The following PRDM5 variants were observed in gnomAD, a reference collection of about 807,000 sequenced individuals.
The protein encoded by PRDM5 is PR/SET domain 5, also known as PR domain zinc finger protein 5.
PRDM5 carries 56 observed loss-of-function variants against 81.2 expected under a neutral mutation model. That is an observed-to-expected ratio of 0.69 (90% confidence interval 0.56 to 0.86). The LOEUF (loss-of-function observed/expected upper bound fraction) is 0.86, where lower values mean the gene tolerates loss of function less well. Ranked by LOEUF, PRDM5 falls within the 40% of genes least tolerant of loss-of-function variation. The pLI is 0.00. For missense variants in PRDM5, 697 were observed against 770.1 expected (o/e 0.91, Z 1.12); for synonymous variants, 267 against 256.4 (o/e 1.04, Z -0.39).
Position 120,771,078 on chromosome 4 carries a change from T to C in PRDM5, c.1537+6110A>G, listed in dbSNP as rs1431674556. Among the ~76,000 whole-genome samples the C allele has an allele frequency of 2.0e-5, 3 of 152,148 alleles. No individual in the cohort carries two copies. The East Asian group carries it at 5.8e-4, about 29-fold the overall frequency. On this transcript the variant is annotated intron_variant, in intron 13 of 15. Coordinates refer to ENST00000264808, the MANE Select transcript of PRDM5 (RefSeq NM_018699.4). Reference sequence around the variant, plus strand: ...ATCCATATCACTTTTGTTACCTATATAATATTCCAATTTATGGATATACCA... The same window carrying C: ...ATCCATATCACTTTTGTTACCTATACAATATTCCAATTTATGGATATACCA...
intron 2 of PRDM5, among the ~76,000 whole-genome samples, chr4:120,887,337 T>G (rs1238379368): frequency 6.6e-6 from 1 of 151,934 alleles, no homozygotes; most frequent in African/African-American, 2.4e-5. Flanking sequence ...TCTCACCAAA[T>G]CTACTGTTAG....
intron 8 of PRDM5, among the ~76,000 whole-genome samples, chr4:120,807,688 A>C (rs903631972): frequency 6.6e-6 from 1 of 152,218 alleles, no homozygotes; most frequent in African/African-American, 2.4e-5. Context: ...CAGTTCTTAA[A>C]GGCGGTGTGT....
At chr4:120,843,089 T>G (rs983489713) in intron 3 of PRDM5, among the ~76,000 whole-genome samples, 1 of 152,156 alleles carries the variant, frequency 6.6e-6, no homozygotes, top group African/African-American at 2.4e-5. Context: ...CCCAGCACTT[T>G]AGGATGCCGA....
At chr4:120,853,975 C>A (rs1487150105) in intron 2 of PRDM5, among the ~76,000 whole-genome samples, 1 of 152,168 alleles carries the variant, frequency 6.6e-6, no homozygotes, top group Non-Finnish European at 1.5e-5. Flanking sequence ...TCTGGACCTG[C>A]TTACAGAATC....
At chr4:120,839,261 C>T in intron 3 of PRDM5, 1 of 703,068 alleles carries the variant, frequency 1.4e-6, no homozygotes, top group Non-Finnish European at 2.6e-6. Flanking sequence ...TTCGGCGGGT[C>T]CCAAATTCTT....
At chr4:120,876,713 T>A (rs950305917) in intron 2 of PRDM5, among the ~76,000 whole-genome samples, 1 of 152,204 alleles carries the variant, frequency 6.6e-6, no homozygotes, top group Non-Finnish European at 1.5e-5. Flanking sequence ...TTACCAGAGA[T>A]ACATTTGATG....
At chr4:120,895,560 C>T (rs548062230) in intron 2 of PRDM5, 1 of 152,634 alleles carries the variant, frequency 6.6e-6, no homozygotes, top group Non-Finnish European at 1.5e-5. Context: ...TTCTTCCCCT[C>T]TGCCCTCATC....
chr4:120,842,693 A>C (rs1210864503), intron 3 of PRDM5, among the ~76,000 whole-genome samples: 1 of 152,174 alleles, frequency 6.6e-6, no homozygotes. Context: ...AAAATTTTTA[A>C]ATTAAACACT....
intron 10 of PRDM5, among the ~76,000 whole-genome samples, chr4:120,796,825 T>G (rs1751414042): frequency 1.3e-5 from 2 of 152,304 alleles, no homozygotes; most frequent in South Asian, 4.1e-4. Context: ...AAGTATCCCA[T>G]AAATATTATA....
chr4:120,698,411 T>G (rs966110384), intron 15 of PRDM5, among the ~76,000 whole-genome samples: 1 of 152,092 alleles, frequency 6.6e-6, no homozygotes, highest in African/African-American at 2.4e-5. Context: ...TTTTCCGGAA[T>G]AGGCCCTTCC....
chr4:120,826,058 C>T lies in PRDM5; in HGVS notation c.301-4713G>A, dbSNP rs554300340. ...ACAACAATATTGACTGGGTCTACCT[C>T]CTTCACCATCTCCAGGTCCACATCA... is the stretch of plus-strand genomic sequence containing the variant. On this transcript the variant is annotated intron_variant, in intron 3 of 15. Transcript: ENST00000264808. Among the ~76,000 whole-genome samples, 6 of 152,256 alleles carry T rather than the reference C, an allele frequency of 3.9e-5. No homozygotes were observed. In the East Asian group the frequency reaches 9.7e-4, roughly 25 times the overall value.
At chr4:120,861,921 T>A (rs1338827508) in intron 2 of PRDM5, among the ~76,000 whole-genome samples, 3 of 152,198 alleles carry the variant, frequency 2.0e-5, no homozygotes, top group Non-Finnish European at 4.4e-5. Flanking sequence ...GAAAAAAATT[T>A]TTTTAATCTA....
At chr4:120,828,541 T>C (rs1367364992) in intron 3 of PRDM5, among the ~76,000 whole-genome samples, 2 of 152,136 alleles carry the variant, frequency 1.3e-5, no homozygotes. Context: ...CAACTATAAT[T>C]TTAACTTCAC....
At chr4:120,878,936 G>A (rs2148573292) in intron 2 of PRDM5, among the ~76,000 whole-genome samples, 1 of 152,302 alleles carries the variant, frequency 6.6e-6, no homozygotes, top group South Asian at 2.1e-4. Context: ...TCACTGCTGA[G>A]TGGAATGCAA....
chr4:120,911,597 G>A (rs942418392), intron 1 of PRDM5, among the ~76,000 whole-genome samples: 2 of 152,166 alleles, frequency 1.3e-5, no homozygotes, highest in Non-Finnish European at 2.9e-5. Flanking sequence ...TGTTATTAGT[G>A]AGAAGTTAAA....
At chr4:120,723,136 A>C (rs1738872913) in intron 14 of PRDM5, among the ~76,000 whole-genome samples, 1 of 152,208 alleles carries the variant, frequency 6.6e-6, no homozygotes, top group Admixed American at 6.5e-5. Flanking sequence ...CTTACATTGA[A>C]GCATAGCACT....
chr4:120,712,396 C>A (rs1037345275), intron 14 of PRDM5, among the ~76,000 whole-genome samples: 2 of 152,008 alleles, frequency 1.3e-5, no homozygotes, highest in African/African-American at 4.8e-5. Flanking sequence ...ACTTTTTTTG[C>A]AGACCTATAA....
chr4:120,751,702 A>C (rs1744034557), intron 14 of PRDM5, among the ~76,000 whole-genome samples: 1 of 152,192 alleles, frequency 6.6e-6, no homozygotes, highest in Non-Finnish European at 1.5e-5. Flanking sequence ...GTCAATGATT[A>C]ATTGGATTTT....
intron 1 of PRDM5, among the ~76,000 whole-genome samples, chr4:120,922,143 C>T (rs1463030399): frequency 6.6e-6 from 1 of 152,216 alleles, no homozygotes; most frequent in South Asian, 2.1e-4. Flanking sequence ...CGCGTGCCTT[C>T]GCCAACGCAA....
Sources: gnomAD v4.1 joint callset for allele counts (sites outside exome capture counted in the v4.1 genomes callset) on GRCh38, gnomAD v4.1.1 for gene constraint, MANE v1.5 for transcripts, NCBI Gene and HGNC (gene_info 2026-07-23, HGNC 2026-07-21) for gene names.